Variants in TNRC6B observed in about 807,000 individuals in gnomAD.
The protein encoded by TNRC6B is trinucleotide repeat-containing gene 6B protein.
In TNRC6B, 52 loss-of-function variants were observed where a neutral mutation model predicts 203.6. The observed-to-expected ratio is 0.26, with a 90% confidence interval of 0.20 to 0.32. The LOEUF (loss-of-function observed/expected upper bound fraction) is 0.32, where lower values mean the gene tolerates loss of function less well. Among genes scored for constraint, TNRC6B ranks in the 10% least tolerant of loss-of-function variants. The probability of loss-of-function intolerance (pLI) is 1.00; values close to 1 mark genes in which losing one functional copy is unlikely to be tolerated. For synonymous variants in TNRC6B, 838 were observed against 845.7 expected (o/e 0.99, Z 0.16); for missense variants, 1,923 against 2,286.2 (o/e 0.84, Z 3.24).
chr22:40,290,086 C>A (rs1277814079), intron 12 of TNRC6B, among the ~76,000 whole-genome samples: 2 of 152,220 alleles, frequency 1.3e-5, no homozygotes, highest in Non-Finnish European at 2.9e-5. Flanking sequence ...CCTGCCTGTT[C>A]CCCACCCTGC....
intron 3 of TNRC6B, among the ~76,000 whole-genome samples, chr22:40,154,610 G>A (rs1431359085): frequency 6.6e-6 from 1 of 150,730 alleles, no homozygotes; most frequent in Admixed American, 6.6e-5. Flanking sequence ...GGAGGCCGAG[G>A]CAGGTGGATC....
intron 3 of TNRC6B, among the ~76,000 whole-genome samples, chr22:40,146,854 C>T (rs543164916): frequency 7.2e-5 from 11 of 152,152 alleles, no homozygotes; most frequent in South Asian, 4.1e-4. Context: ...CATAAGCCAC[C>T]GTGCCCGAAC....
At position 40,285,646 on chromosome 22, in the gene TNRC6B, G is replaced by T. The variant is rs1289413280; in HGVS notation, c.3584G>T (p.Gly1195Val). ...TTACTGCTGCTTTTCTGTTTACAGG[G>T]CGGTAGTCATGGTTTGTTTGGAAAC... is the stretch of plus-strand genomic sequence containing the variant. ...LNPQNFAARQ[G>V]GSHGLFGNST... is the part of the protein sequence containing the mutation. The change falls in exon 12 of 23, where the codon GGC (glycine) becomes GTC (valine). Residue 1195 changes from glycine to valine, a missense_variant and splice_region_variant. Coordinates refer to ENST00000454349, the MANE Select transcript of TNRC6B (RefSeq NM_001162501.2). 6.2e-7 allele frequency: 1 copy of T among 1,612,030 alleles called. No individual in the cohort carries two copies. Among genetic ancestry groups the T allele is most frequent in the Non-Finnish European group, 8.5e-7 (1 of 1,179,498 alleles).
chr22:40,175,223 G>A (rs1282096573), upstream of TNRC6B, among the ~76,000 whole-genome samples: 1 of 151,482 alleles, frequency 6.6e-6, no homozygotes, highest in East Asian at 1.9e-4. Flanking sequence ...TGGGCATGGT[G>A]GCATGTGTCT....
At chr22:40,094,238 C>A (rs147583780) in intron 1 of TNRC6B, among the ~76,000 whole-genome samples, 2 of 152,072 alleles carry the variant, frequency 1.3e-5, no homozygotes, top group East Asian at 1.9e-4. Context: ...ATTGCTGTTA[C>A]CATATTTTAT....
intron 15 of TNRC6B, among the ~76,000 whole-genome samples, chr22:40,307,565 C>T (rs1270809823): frequency 1.3e-5 from 2 of 152,044 alleles, no homozygotes; most frequent in African/African-American, 2.4e-5. Flanking sequence ...TGTTAGACTC[C>T]GTCATCCAGA....
At chr22:40,225,862 C>G (rs1387675444) in intron 1 of TNRC6B, among the ~76,000 whole-genome samples, 1 of 151,456 alleles carries the variant, frequency 6.6e-6, no homozygotes, top group Non-Finnish European at 1.5e-5. Context: ...CCTGGGTTAC[C>G]TAAGTAGAAA....
rs56078653 is a variant in TNRC6B at position 40,258,071 on chromosome 22, C to CTTTTTTTTTT, written c.116-3740_116-3731dup. Among the ~76,000 whole-genome samples the CTTTTTTTTTT allele has an allele frequency of 1.5e-3, 44 of 28,714 alleles. 7 individuals are homozygous for CTTTTTTTTTT. Among genetic ancestry groups the CTTTTTTTTTT allele is most frequent in the African/African-American group, 2.4e-3 (18 of 7,380 alleles). The allele number at this position is 28,714 out of a possible 152,430, so 18.8% of individuals were successfully genotyped here. A position where few individuals can be genotyped will look rare whatever the true frequency, so the allele number is the denominator to read the frequency against. ...GAAATCAGAAAATAGGATACACAGC[C>CTTTTTTTTTT]TTTTTTTTTTTTTTTTTTTTTTTTT... is the stretch of plus-strand genomic sequence containing the variant. On this transcript the variant is annotated intron_variant, in intron 3 of 22. Transcript: ENST00000454349.
intron 1 of TNRC6B, among the ~76,000 whole-genome samples, chr22:40,113,164 G>A (rs575512191): frequency 6.6e-5 from 10 of 152,276 alleles, no homozygotes; most frequent in Admixed American, 6.5e-4. Context: ...GCAATAGCTA[G>A]AACAGATTTT....
Position 40,266,232 on chromosome 22 carries a change from G to A in TNRC6B, c.2002G>A (p.Asp668Asn). ...TQTKNSGGWG[D>N]APSQSNQMKS... ...GACCAAGAACTCAGGGGGCTGGGGA[G>A]ATGCACCCAGCCAAAGCAATCAAAT... The change falls in exon 5 of 23, where the codon GAT (aspartate) becomes AAT (asparagine). Residue 668 changes from aspartate (D) to asparagine (N), a missense_variant. By Grantham distance (23) the Asp-to-Asn change is conservative. Transcript: ENST00000454349. The A allele has an allele frequency of 6.2e-7, 1 of 1,604,264 alleles. No homozygotes were observed. The highest frequency in any genetic ancestry group is 8.5e-7 in the Non-Finnish European group (1 of 1,174,900).
intron 7 of TNRC6B, among the ~76,000 whole-genome samples, chr22:40,275,319 T>TA (rs2070624164): frequency 6.6e-6 from 1 of 152,212 alleles, no homozygotes; most frequent in Non-Finnish European, 1.5e-5. Context: ...TGAGACTAAA[T>TA]TAACTGATTG....
chr22:40,064,367 A>C (rs1282793972), intron 1 of TNRC6B, among the ~76,000 whole-genome samples: 2 of 150,546 alleles, frequency 1.3e-5, no homozygotes. Flanking sequence ...GTATGATGTT[A>C]GCTGATTTTT....
At chr22:40,140,626 T>C (rs186965484) in intron 3 of TNRC6B, among the ~76,000 whole-genome samples, 1 of 152,282 alleles carries the variant, frequency 6.6e-6, no homozygotes, top group East Asian at 1.9e-4. Context: ...GTTGAATAGA[T>C]GGTAATTTTT....
At chr22:40,157,482 C>T (rs767015110) in intron 4 of TNRC6B, among the ~76,000 whole-genome samples, 1 of 152,046 alleles carries the variant, frequency 6.6e-6, no homozygotes, top group Non-Finnish European at 1.5e-5. Flanking sequence ...GAAAATGGCT[C>T]GTCTTGTATT....
intron 1 of TNRC6B, among the ~76,000 whole-genome samples, chr22:40,101,899 A>C (rs1941486837): frequency 6.6e-6 from 1 of 152,226 alleles, no homozygotes; most frequent in Non-Finnish European, 1.5e-5. Context: ...GTCAAATCTC[A>C]TTATGACAGA....
intron 1 of TNRC6B, among the ~76,000 whole-genome samples, chr22:40,052,431 C>T (rs1443912999): frequency 2.1e-5 from 3 of 145,024 alleles, no homozygotes; most frequent in Non-Finnish European, 3.0e-5. Context: ...TTAATAGCAA[C>T]GCTGTGTATT....
intron 4 of TNRC6B, among the ~76,000 whole-genome samples, chr22:40,168,045 C>T (rs1265112311): frequency 6.6e-6 from 1 of 152,212 alleles, no homozygotes; most frequent in Non-Finnish European, 1.5e-5. Flanking sequence ...TGAAACCCAA[C>T]TGATCTAAGC....
At chr22:40,276,586 A>G (rs538687199) in intron 7 of TNRC6B, among the ~76,000 whole-genome samples, 4 of 152,258 alleles carry the variant, frequency 2.6e-5, no homozygotes, top group African/African-American at 9.6e-5. Flanking sequence ...AGGTCTCTTT[A>G]CCACCAGGAC....
At chr22:40,268,058 A>G (rs1281926330) in intron 5 of TNRC6B, among the ~76,000 whole-genome samples, 1 of 152,152 alleles carries the variant, frequency 6.6e-6, no homozygotes, top group African/African-American at 2.4e-5. Flanking sequence ...TGCACCTTTC[A>G]GTCTTTTTTT....
Sources: gnomAD v4.1 joint callset for allele counts (sites outside exome capture counted in the v4.1 genomes callset) on GRCh38, gnomAD v4.1.1 for gene constraint, MANE v1.5 for transcripts, NCBI Gene and HGNC (gene_info 2026-07-23, HGNC 2026-07-21) for gene names.